SLC35F3: variants seen among roughly 807,000 people sequenced by gnomAD.
The protein encoded by SLC35F3 is putative thiamine transporter SLC35F3.
In SLC35F3, 25 loss-of-function variants were observed where a neutral mutation model predicts 49.9. The ratio of observed to expected loss-of-function variants is 0.50; its 90% CI spans 0.37 to 0.70. The LOEUF is 0.70. Ranked by LOEUF, SLC35F3 falls within the 30% of genes least tolerant of loss-of-function variation. The pLI is 0.00. For missense variants in SLC35F3, 525 were observed against 639.8 expected, an observed-to-expected ratio of 0.82 and a Z score of 1.94; for synonymous variants, 275 against 265.4, an observed-to-expected ratio of 1.04 and a Z score of -0.35.
At chr1:234,302,112 A>G (rs574237949) in intron 3 of SLC35F3, among the ~76,000 whole-genome samples, 2 of 152,254 alleles carry the variant, frequency 1.3e-5, no homozygotes, top group Non-Finnish European at 2.9e-5. Context: ...GCATGCATGT[A>G]CCTATGTAAC....
intron 2 of SLC35F3, among the ~76,000 whole-genome samples, chr1:233,945,975 T>C (rs1441636402): frequency 1.3e-5 from 2 of 152,248 alleles, no homozygotes; most frequent in Non-Finnish European, 2.9e-5. Context: ...CAAACTATGA[T>C]AACTTTTAAA....
intron 2 of SLC35F3, among the ~76,000 whole-genome samples, chr1:233,985,834 G>A (rs1459775772): frequency 6.6e-6 from 1 of 152,200 alleles, no homozygotes; most frequent in African/African-American, 2.4e-5. Context: ...GAAAGTTCCT[G>A]GTCCTGCCTG....
intron 2 of SLC35F3, among the ~76,000 whole-genome samples, chr1:234,109,265 T>C (rs1665370938): frequency 6.6e-6 from 1 of 152,164 alleles, no homozygotes. Context: ...TCTTCATAGT[T>C]TTAGGGCAGG....
At position 233,905,617 on chromosome 1, in the gene SLC35F3, G is replaced by C. The variant is rs1333828685; in HGVS notation, c.142G>C (p.Glu48Gln). The change falls in exon 2 of 8, where the codon GAG (glutamate) becomes CAG (glutamine). Residue 48 changes from glutamate (E) to glutamine (Q), a missense_variant. Coordinates refer to ENST00000366618, the MANE Select transcript of SLC35F3 (RefSeq NM_173508.4). ...GCAGCTCAAGTACTTGGTGGTGGAC[G>C]AGGCGATTAAGGAGGATCTGAAATG... The part of the protein sequence containing the change: ...LRQLKYLVVD[E>Q]AIKEDLKWSR... 6.2e-7 allele frequency: 1 copy of C among 1,614,168 alleles called. No individual in the cohort carries two copies. Among genetic ancestry groups the C allele is most frequent in the Admixed American group, 1.7e-5 (1 of 60,028 alleles).
At chr1:234,144,790 T>C (rs10910366) in intron 2 of SLC35F3, among the ~76,000 whole-genome samples, 10,384 of 152,052 alleles carry the variant, frequency 0.068, 586 homozygotes, top group African/African-American at 0.14. Context: ...TGAAAACAAA[T>C]AAATATTGTG....
At chr1:234,014,511 C>T (rs1019746316) in intron 2 of SLC35F3, among the ~76,000 whole-genome samples, 3 of 151,990 alleles carry the variant, frequency 2.0e-5, no homozygotes, top group Admixed American at 1.3e-4. Context: ...AAAGGTCATC[C>T]AGATAGGAAA....
intron 2 of SLC35F3, among the ~76,000 whole-genome samples, chr1:234,187,943 G>A (rs991953258): frequency 2.0e-5 from 3 of 152,138 alleles, no homozygotes; most frequent in Admixed American, 2.0e-4. Flanking sequence ...CAACAGGTGG[G>A]GAGGCATGAA....
At chr1:234,079,179 A>T (rs1029208451) in intron 2 of SLC35F3, among the ~76,000 whole-genome samples, 18 of 152,198 alleles carry the variant, frequency 1.2e-4, no homozygotes, top group Admixed American at 1.2e-3. Context: ...ATATATAAAT[A>T]ATCAGTTGAT....
chr1:234,177,895 TG>T (rs1281369189), intron 2 of SLC35F3, among the ~76,000 whole-genome samples: 1 of 152,242 alleles, frequency 6.6e-6, no homozygotes, highest in Admixed American at 6.5e-5. Flanking sequence ...AATTTTCTGT[TG>T]TGCAATCATA....
At chr1:234,028,693 AAG>A (rs1242033338) in intron 2 of SLC35F3, among the ~76,000 whole-genome samples, 3 of 152,342 alleles carry the variant, frequency 2.0e-5, no homozygotes, top group African/African-American at 4.8e-5. Context: ...CTCTATAGAA[AAG>A]AGAGGTAACT....
At chr1:233,967,516 C>T (rs1457804439) in intron 2 of SLC35F3, among the ~76,000 whole-genome samples, 1 of 152,138 alleles carries the variant, frequency 6.6e-6, no homozygotes, top group Non-Finnish European at 1.5e-5. Flanking sequence ...CTTTGAATGT[C>T]AGTATCTGCA....
At chr1:234,052,386 A>G (rs1362659697) in intron 2 of SLC35F3, among the ~76,000 whole-genome samples, 1 of 152,144 alleles carries the variant, frequency 6.6e-6, no homozygotes, top group Non-Finnish European at 1.5e-5. Flanking sequence ...ATGTCCAGGA[A>G]TTTATCCATT....
At chr1:233,984,591 T>G (rs904845211) in intron 2 of SLC35F3, among the ~76,000 whole-genome samples, 1 of 152,194 alleles carries the variant, frequency 6.6e-6, no homozygotes, top group Non-Finnish European at 1.5e-5. Context: ...CTCAAAGATT[T>G]TCTGATTTGC....
intron 2 of SLC35F3, among the ~76,000 whole-genome samples, chr1:234,045,634 A>G (rs1288415343): frequency 6.6e-6 from 1 of 152,172 alleles, no homozygotes; most frequent in Non-Finnish European, 1.5e-5. Context: ...AGAAGAGTAC[A>G]CAATAACGTA....
At chr1:233,929,716 T>G (rs904168382) in intron 2 of SLC35F3, among the ~76,000 whole-genome samples, 1 of 152,198 alleles carries the variant, frequency 6.6e-6, no homozygotes, top group Non-Finnish European at 1.5e-5. Flanking sequence ...GAATTTCTCT[T>G]GGCCTCAGGA....
At chr1:234,208,206 C>T (rs1411206952) in intron 2 of SLC35F3, among the ~76,000 whole-genome samples, 2 of 152,172 alleles carry the variant, frequency 1.3e-5, no homozygotes, top group Non-Finnish European at 2.9e-5. Flanking sequence ...CATGCTCTGT[C>T]GGTCTCAAGG....
intron 2 of SLC35F3, among the ~76,000 whole-genome samples, chr1:234,098,952 A>G (rs575878784): frequency 1.3e-5 from 2 of 151,796 alleles, no homozygotes; most frequent in South Asian, 4.2e-4. Context: ...TGATGGTGTT[A>G]TAGGGTGATG....
intron 2 of SLC35F3, among the ~76,000 whole-genome samples, chr1:234,041,721 G>C (rs1277077408): frequency 1.3e-5 from 2 of 152,132 alleles, no homozygotes; most frequent in East Asian, 3.8e-4. Flanking sequence ...TTACTTGAAG[G>C]TGAATGAGAT....
intron 3 of SLC35F3, among the ~76,000 whole-genome samples, chr1:234,278,875 G>A (rs1473152336): frequency 6.6e-6 from 1 of 152,186 alleles, no homozygotes; most frequent in Non-Finnish European, 1.5e-5. Flanking sequence ...GTGCCTCTCT[G>A]ATACCATCAC....
Sources: gnomAD v4.1 joint callset for allele counts (sites outside exome capture counted in the v4.1 genomes callset) on GRCh38, gnomAD v4.1.1 for gene constraint, MANE v1.5 for transcripts, NCBI Gene and HGNC (gene_info 2026-07-23, HGNC 2026-07-21) for gene names.